The following ZNF676 variants were observed in gnomAD, a reference collection of about 807,000 sequenced individuals.
ZNF676 encodes zinc finger protein 676.
In ZNF676, 4 loss-of-function variants were observed where a neutral mutation model predicts 6.0. The observed-to-expected ratio is 0.67, with a 90% CI of 0.33 to 1.53. ZNF676 has a LOEUF of 1.53. ZNF676 is among the 40% of genes most tolerant of loss of function. The pLI, the probability that ZNF676 is intolerant of heterozygous loss-of-function variation, is 0.06. For synonymous variants in ZNF676, 198 were observed against 223.1 expected (o/e 0.89, Z 1.00); for missense variants, 644 against 679.7 (o/e 0.95, Z 0.58).
chr19:22,224,971 G>A, the ZNF676 span, among the ~76,000 whole-genome samples: 2,801 of 152,098 alleles, frequency 0.018, 80 homozygotes, highest in African/African-American at 0.064. Context: ...CACCAGTTTG[G>A]GTGACAAAGT....
At chr19:22,184,469 C>T (rs1279645011) in intron 2 of ZNF676, among the ~76,000 whole-genome samples, 1 of 151,876 alleles carries the variant, frequency 6.6e-6, no homozygotes, top group Non-Finnish European at 1.5e-5. Flanking sequence ...AGAGTTTTTT[C>T]TTTTTTTTCC....
At chr19:22,192,602 C>T (rs897657334) in intron 2 of ZNF676, among the ~76,000 whole-genome samples, 1 of 151,828 alleles carries the variant, frequency 6.6e-6, no homozygotes, top group East Asian at 1.9e-4. Flanking sequence ...GAAAAATGAA[C>T]CAAAAAAACC....
the ZNF676 span, among the ~76,000 whole-genome samples, chr19:22,236,257 G>A: frequency 6.6e-6 from 1 of 152,050 alleles, no homozygotes; most frequent in Non-Finnish European, 1.5e-5. Context: ...TCTGCCATCT[G>A]CTAAGTATGT....
At chr19:22,234,331 G>A in the ZNF676 span, among the ~76,000 whole-genome samples, 4 of 152,182 alleles carry the variant, frequency 2.6e-5, no homozygotes, top group Non-Finnish European at 2.9e-5. Flanking sequence ...AGAAGGCAGG[G>A]TGGCAGAAAT....
chr19:22,206,305 G>GAA (rs2024076396), intron 1 of ZNF676, among the ~76,000 whole-genome samples: 1 of 152,076 alleles, frequency 6.6e-6, no homozygotes, highest in Non-Finnish European at 1.5e-5. Context: ...CAATCATTCT[G>GAA]ATACCAAAAC....
the ZNF676 span, among the ~76,000 whole-genome samples, chr19:22,247,014 C>T: frequency 6.6e-6 from 1 of 152,290 alleles, no homozygotes; most frequent in African/African-American, 2.4e-5. Flanking sequence ...ATTAAAAGCC[C>T]TTTTCAGTAA....
intron 2 of ZNF676, among the ~76,000 whole-genome samples, chr19:22,187,542 C>T (rs1358838670): frequency 6.0e-5 from 9 of 149,430 alleles, no homozygotes; most frequent in African/African-American, 2.2e-4. Context: ...GAGATAGACA[C>T]AAAAAACCCT....
upstream of ZNF676, among the ~76,000 whole-genome samples, chr19:22,200,515 AT>A (rs3035052): frequency 1.0e-3 from 110 of 105,842 alleles, 1 homozygote; most frequent in Admixed American, 1.9e-3. Context: ...TGCTTCATCA[AT>A]TTTTTTTTTT....
chr19:22,194,253 T>C (rs2023943663), intron 1 of ZNF676, among the ~76,000 whole-genome samples: 1 of 152,174 alleles, frequency 6.6e-6, no homozygotes, highest in Admixed American at 6.6e-5. Flanking sequence ...ATCACATGGC[T>C]GCAAGAGGCA....
chr19:22,185,149 G>A (rs1454983982), intron 2 of ZNF676, among the ~76,000 whole-genome samples: 3 of 152,118 alleles, frequency 2.0e-5, no homozygotes, highest in African/African-American at 7.2e-5. Flanking sequence ...TGGCCTCTGG[G>A]ACAAACCTTC....
chr19:22,216,219 G>A (rs1435526232), upstream of ZNF676, among the ~76,000 whole-genome samples: 2 of 152,168 alleles, frequency 1.3e-5, no homozygotes, highest in East Asian at 3.9e-4. Context: ...TGGATCACCG[G>A]AGGTCAGAAG....
At position 22,179,984 on chromosome 19, in the gene ZNF676, T is replaced by A. The variant is rs756365733; in HGVS notation, c.1733A>T (p.Tyr578Phe). ...KAFKSSSTVS[Y>F]HKKIHTGENP is the part of the protein sequence containing the mutation. The stretch of plus-strand genomic sequence containing the variant: ...CTCTCCAGTATGAATTTTCTTATGA[T>A]AACTAACAGTTGAGGATGACTTAAA... Residue 578 changes from tyrosine (Y) to phenylalanine (F), a missense_variant, in exon 3 of 3, where the codon TAT becomes TTT. Tyr to Phe is a conservative substitution (Grantham distance 22, BLOSUM62 3). Coordinates refer to ENST00000397121, the MANE Select transcript of ZNF676 (RefSeq NM_001001411.3). 1 of 1,613,588 alleles carries A rather than the reference T, an allele frequency of 6.2e-7. No individual in the cohort carries two copies. Among genetic ancestry groups the A allele is most frequent in the East Asian group, 2.2e-5 (1 of 44,834 alleles).
chr19:22,209,192 G>C (rs1176724178), intron 1 of ZNF676, among the ~76,000 whole-genome samples: 3 of 152,074 alleles, frequency 2.0e-5, no homozygotes, highest in African/African-American at 7.2e-5. Context: ...AACCCGGGAG[G>C]TGGAGGTTGC....
the ZNF676 span, among the ~76,000 whole-genome samples, chr19:22,249,154 T>G: frequency 1.3e-5 from 2 of 152,198 alleles, no homozygotes; most frequent in South Asian, 4.1e-4. Flanking sequence ...ACATAAGTAA[T>G]CTTTGGGAAC....
intron 1 of ZNF676, among the ~76,000 whole-genome samples, chr19:22,212,249 ACTC>A (rs2024136656): frequency 6.6e-6 from 1 of 151,514 alleles, no homozygotes; most frequent in Non-Finnish European, 1.5e-5. Flanking sequence ...ACCTGAGAAA[ACTC>A]CTAAATTCAC....
chr19:22,212,026 C>T (rs1020300387), intron 1 of ZNF676, among the ~76,000 whole-genome samples: 3 of 150,848 alleles, frequency 2.0e-5, no homozygotes, highest in Non-Finnish European at 3.0e-5. Context: ...GGTGAAACAC[C>T]GTCTCTATTA....
chr19:22,252,346 G>A, the ZNF676 span, among the ~76,000 whole-genome samples: 1 of 145,918 alleles, frequency 6.9e-6, no homozygotes, highest in African/African-American at 2.5e-5. Flanking sequence ...AGTGAGCTGA[G>A]ATCGTGCCAC....
At position 22,179,610 on chromosome 19, in the gene ZNF676, C is replaced by A. The variant is rs1259921770; in HGVS notation, c.*340G>T. On this transcript the variant is annotated 3_prime_UTR_variant, in exon 3 of 3. Transcript: ENST00000397121. ...ATGAAAAGCTTTGCCACGTTTTTCA[C>A]ATTTGTAGGGCTTTTCCTCCAGTAT... 2 of 496,214 alleles carry A rather than the reference C, an allele frequency of 4.0e-6. No homozygotes were observed. Among genetic ancestry groups the A allele is most frequent in the African/African-American group, 2.0e-5 (1 of 51,166 alleles). The allele number at this position is 496,214 out of a possible 1,614,324, so 30.7% of individuals were successfully genotyped here.
At chr19:22,219,947 G>T (rs530587601), upstream of ZNF676, among the ~76,000 whole-genome samples, 48 of 152,080 alleles carry the variant, frequency 3.2e-4, no homozygotes, top group Non-Finnish European at 6.3e-4. Flanking sequence ...GAGCCACCAC[G>T]CCCAGCCTGT....
Sources: allele counts gnomAD v4.1 joint callset (sites outside exome capture counted in the v4.1 genomes callset), GRCh38; gene constraint gnomAD v4.1.1; transcripts MANE v1.5; gene names NCBI Gene and HGNC (gene_info 2026-07-23, HGNC 2026-07-21).